Variants in C10orf143 observed in about 807,000 individuals in gnomAD.
C10orf143 encodes uncharacterized protein C10orf143.
At chr10:130,043,341 C>G (rs1241579905) in intron 3 of C10orf143, among the ~76,000 whole-genome samples, 1 of 152,186 alleles carries the variant, frequency 6.6e-6, no homozygotes, top group East Asian at 1.9e-4. Context: ...GAAAGGTTAT[C>G]AGCTGGCTAG....
intron 1 of C10orf143, among the ~76,000 whole-genome samples, chr10:130,110,379 A>G (rs1861740748): frequency 6.6e-6 from 1 of 152,252 alleles, no homozygotes; most frequent in Non-Finnish European, 1.5e-5. Context: ...ACGGATACCA[A>G]GCACCCGAGG....
At position 130,106,491 on chromosome 10, in the gene C10orf143, A is replaced by G. The variant is rs1231557847; in HGVS notation, c.69+4213T>C. 2.5e-6 allele frequency: 4 copies of G among 1,601,868 alleles called. No homozygotes were observed. The Admixed American group carries it at 6.7e-5, about 27-fold the overall frequency. On this transcript the variant is annotated intron_variant, in intron 1 of 3. Transcript: ENST00000637128. Reference sequence around the variant, plus strand: ...CTTGAGCATGAAATTCTCTGTCTAGAAAAAGAGTTAAAAGAAGAGAAATCT... The same window carrying G: ...CTTGAGCATGAAATTCTCTGTCTAGGAAAAGAGTTAAAAGAAGAGAAATCT...
At chr10:130,107,800 GTCTCCT>G (rs1352390581) in intron 1 of C10orf143, 7 of 1,246,660 alleles carry the variant, frequency 5.6e-6, no homozygotes, top group Non-Finnish European at 8.2e-6. Context: ...ATCCTCACAG[GTCTCCT>G]TCTGACACTG....
intron 1 of C10orf143, chr10:130,107,291 G>A: frequency 1.8e-6 from 2 of 1,132,240 alleles, no homozygotes; most frequent in Non-Finnish European, 2.7e-6. Flanking sequence ...TTCTAAGGTA[G>A]ACAAAAAGAT....
At chr10:130,036,102 T>G (rs1199458025) in intron 3 of C10orf143, 2 of 152,216 alleles carry the variant, frequency 1.3e-5, no homozygotes, top group Admixed American at 6.5e-5. Context: ...TTTCTCCAAA[T>G]AGGGTCACAC....
chr10:130,062,026 A>G (rs1351382914), downstream of C10orf143, among the ~76,000 whole-genome samples: 2 of 152,220 alleles, frequency 1.3e-5, no homozygotes, highest in African/African-American at 4.8e-5. Flanking sequence ...CAACAAGGCC[A>G]CGGGCAGGAC....
At chr10:130,105,166 G>T (rs2764365) in intron 1 of C10orf143, among the ~76,000 whole-genome samples, 51,866 of 151,904 alleles carry the variant, frequency 0.34, 9,701 homozygotes, top group East Asian at 0.54. Context: ...GACCTCAAGT[G>T]ATCAGCCTGC....
intron 1 of C10orf143, among the ~76,000 whole-genome samples, chr10:130,084,392 G>A (rs1282470059): frequency 6.6e-6 from 1 of 152,116 alleles, no homozygotes; most frequent in Non-Finnish European, 1.5e-5. Context: ...TAGAAATCCT[G>A]TACTCTAGCT....
intron 3 of C10orf143, among the ~76,000 whole-genome samples, chr10:130,050,116 A>T (rs1860719510): frequency 6.6e-6 from 1 of 152,238 alleles, no homozygotes; most frequent in South Asian, 2.1e-4. Flanking sequence ...AAAAACAGAA[A>T]ACAGGTGGTG....
chr10:130,097,252 A>G (rs1235822819), intron 1 of C10orf143, among the ~76,000 whole-genome samples: 4 of 152,188 alleles, frequency 2.6e-5, no homozygotes, highest in Non-Finnish European at 5.9e-5. Flanking sequence ...AAGATGCTCA[A>G]CATCAATACT....
chr10:130,077,058 T>C (rs1011094461), intron 3 of C10orf143, among the ~76,000 whole-genome samples: 8 of 152,066 alleles, frequency 5.3e-5, no homozygotes, highest in Non-Finnish European at 7.3e-5. Context: ...TAAATAATAA[T>C]GTACAGCAGG....
Position 130,042,797 on chromosome 10 carries a change from C to T in C10orf143, c.298-6827G>A, listed in dbSNP as rs553088402. ...CTGAAAACACAAGTAGGGAAAGCAA[C>T]GCTTGGAAAGGAGGTGGGCCGTCAC... On this transcript the variant is annotated intron_variant and NMD_transcript_variant, in intron 3 of 5. Coordinates refer to the C10orf143 transcript ENST00000643056. 1.4e-4 allele frequency among the ~76,000 whole-genome samples: 22 copies of T among 152,240 alleles called. No individual in the cohort carries two copies. In the South Asian group the frequency reaches 3.9e-3, roughly 27 times the overall value.
chr10:130,065,678 G>A lies in C10orf143; in HGVS notation c.298-1295C>T, dbSNP rs1659270897. 1 of 152,198 alleles carries A rather than the reference G, an allele frequency of 6.6e-6. No homozygotes were observed. The highest frequency in any genetic ancestry group is 2.4e-5 in the African/African-American group (1 of 41,444). The allele number at this position is 152,198 out of a possible 1,614,324, so 9.4% of individuals were successfully genotyped here. On this transcript the variant is annotated intron_variant, in intron 3 of 3. Coordinates refer to ENST00000637128, the MANE Select transcript of C10orf143 (RefSeq NM_001355042.2). This position sits in a 1 kb window ranked among gnomAD's most constrained non-coding sequence, Gnocchi z 4.2. ...GTATCCCTTTACAAAAGGACATTTT[G>A]GAAACCAGTTTCTTCATGCAATTCT...
chr10:130,088,847 A>G lies in C10orf143; in HGVS notation c.70-8946T>C, dbSNP rs1590026964. ...TGGAGAATGACCTTGTACTCTTAGG[A>G]GGTTTCTTTCTATGACATTTGGTAC... On this transcript the variant is annotated intron_variant, in intron 1 of 3. Transcript: ENST00000637128. Among the ~76,000 whole-genome samples the G allele has an allele frequency of 3.3e-5, 5 of 152,290 alleles. 1 individual carries two copies. The highest frequency in any genetic ancestry group is 3.3e-4 in the Admixed American group (5 of 15,292).
intron 3 of C10orf143, among the ~76,000 whole-genome samples, chr10:130,044,953 G>A (rs1256487675): frequency 1.3e-5 from 2 of 152,186 alleles, no homozygotes; most frequent in East Asian, 3.9e-4. Context: ...ACCTAGGCTG[G>A]AGCTCAGGTC....
chr10:130,105,696 C>T lies in C10orf143; in HGVS notation c.69+5008G>A, dbSNP rs570119365. ...AGTGAGCCAAGATTATGCCACTGCA[C>T]TCCGGCCTGGGCGACAAGAGTGAGA... On this transcript the variant is annotated intron_variant, in intron 1 of 3. Coordinates refer to ENST00000637128, the MANE Select transcript of C10orf143 (RefSeq NM_001355042.2). Among the ~76,000 whole-genome samples the T allele has an allele frequency of 6.6e-5, 10 of 152,290 alleles. No homozygotes were observed. The South Asian group carries it at 1.9e-3, about 28-fold the overall frequency.
At chr10:130,107,383 T>C (rs1384665688) in intron 1 of C10orf143, 5 of 1,124,682 alleles carry the variant, frequency 4.4e-6, no homozygotes, top group Non-Finnish European at 6.8e-6. Context: ...CTATTCATTA[T>C]TATCAACGGC....
chr10:130,083,038 G>C (rs1413720232), intron 1 of C10orf143, among the ~76,000 whole-genome samples: 1 of 151,906 alleles, frequency 6.6e-6, no homozygotes. Flanking sequence ...ATATACCACA[G>C]AAAAAGGGTG....
chr10:130,099,100 GA>G (rs1861507320), intron 1 of C10orf143, among the ~76,000 whole-genome samples: 1 of 48,494 alleles, frequency 2.1e-5, no homozygotes, highest in Admixed American at 2.9e-4. Flanking sequence ...AAAAAAAAAA[GA>G]AAAAAGAAAT....
Sources: allele counts gnomAD v4.1 joint callset (sites outside exome capture counted in the v4.1 genomes callset), GRCh38; gene constraint gnomAD v4.1.1; non-coding constraint Gnocchi (gnomAD v3.1); transcripts MANE v1.5; gene names NCBI Gene and HGNC (gene_info 2026-07-23, HGNC 2026-07-21).